EXOC6B: variants seen among roughly 807,000 people sequenced by gnomAD.
EXOC6B encodes SEC15 homolog B.
A neutral mutation model predicts 113.5 loss-of-function variants in EXOC6B; 54 were observed. The ratio of observed to expected loss-of-function variants is 0.48; its 90% CI spans 0.38 to 0.60. The LOEUF (loss-of-function observed/expected upper bound fraction) is 0.60, where lower values mean the gene tolerates loss of function less well. EXOC6B is among the 20% of genes least tolerant of loss of function. The probability of loss-of-function intolerance (pLI) is 0.00; values close to 1 mark genes in which losing one functional copy is unlikely to be tolerated. For synonymous variants in EXOC6B, 357 were observed against 339.0 expected (o/e 1.05, Z -0.58); for missense variants, 797 against 977.5 (o/e 0.82, Z 2.46).
chr2:72,231,748 A>T (rs1681633493), intron 20 of EXOC6B, among the ~76,000 whole-genome samples: 1 of 152,222 alleles, frequency 6.6e-6, no homozygotes, highest in Admixed American at 6.5e-5. Context: ...TGCAAGGGCA[A>T]TCAAAAATGC....
At chr2:72,525,155 T>C (rs1701694494) in intron 8 of EXOC6B, among the ~76,000 whole-genome samples, 1 of 152,246 alleles carries the variant, frequency 6.6e-6, no homozygotes, top group South Asian at 2.1e-4. Context: ...TTGATGATTA[T>C]GGAGTAGTTG....
At chr2:72,768,288 C>CTTTTTT (rs200442752) in intron 1 of EXOC6B, among the ~76,000 whole-genome samples, 1 of 105,398 alleles carries the variant, frequency 9.5e-6, no homozygotes, top group African/African-American at 3.3e-5. Context: ...AGAATGCAAG[C>CTTTTTT]TTTTTTTTTT....
At chr2:72,432,845 C>G (rs1695622933) in intron 18 of EXOC6B, among the ~76,000 whole-genome samples, 1 of 151,936 alleles carries the variant, frequency 6.6e-6, no homozygotes, top group South Asian at 2.1e-4. Flanking sequence ...AAAATTTTCT[C>G]CCATTCTGTA....
chr2:72,500,313 C>T (rs1700249143), intron 11 of EXOC6B, among the ~76,000 whole-genome samples: 2 of 152,068 alleles, frequency 1.3e-5, no homozygotes, highest in Admixed American at 1.3e-4. Context: ...TGGTATGTGG[C>T]TAAAACCATT....
At chr2:72,265,079 C>T (rs1399952951) in intron 20 of EXOC6B, among the ~76,000 whole-genome samples, 1 of 151,738 alleles carries the variant, frequency 6.6e-6, no homozygotes, top group East Asian at 1.9e-4. Context: ...TAGAAGAAGA[C>T]AGGAAGACAT....
chr2:72,434,653 A>G (rs972609086), intron 18 of EXOC6B, among the ~76,000 whole-genome samples: 1 of 152,254 alleles, frequency 6.6e-6, no homozygotes, highest in Non-Finnish European at 1.5e-5. Context: ...TTTGTCCAGG[A>G]ATTTATCCGT....
intron 20 of EXOC6B, among the ~76,000 whole-genome samples, chr2:72,264,957 T>C (rs953441441): frequency 3.3e-5 from 5 of 152,060 alleles, no homozygotes; most frequent in Non-Finnish European, 7.4e-5. Flanking sequence ...AACATACTAA[T>C]ACAGTACATT....
intron 18 of EXOC6B, among the ~76,000 whole-genome samples, chr2:72,380,865 T>C (rs1691638316): frequency 1.3e-5 from 2 of 152,220 alleles, no homozygotes; most frequent in Admixed American, 6.5e-5. Flanking sequence ...TTTATATCTG[T>C]TATTTATAAT....
At chr2:72,555,717 G>C (rs548464160) in intron 8 of EXOC6B, among the ~76,000 whole-genome samples, 1 of 152,198 alleles carries the variant, frequency 6.6e-6, no homozygotes, top group East Asian at 1.9e-4. Flanking sequence ...CATGATCTCG[G>C]CTCACTACAA....
intron 1 of EXOC6B, among the ~76,000 whole-genome samples, chr2:72,760,152 T>C (rs558051875): frequency 6.6e-6 from 1 of 152,332 alleles, no homozygotes; most frequent in East Asian, 1.9e-4. Flanking sequence ...CATATGCTCC[T>C]TCTCTTGAAA....
At chr2:72,251,112 G>A (rs1682992420) in intron 20 of EXOC6B, among the ~76,000 whole-genome samples, 1 of 151,964 alleles carries the variant, frequency 6.6e-6, no homozygotes, top group Non-Finnish European at 1.5e-5. Context: ...ATTTAATATT[G>A]GCAATGTCTC....
At chr2:72,528,379 T>C (rs1349217976) in intron 8 of EXOC6B, among the ~76,000 whole-genome samples, 1 of 152,114 alleles carries the variant, frequency 6.6e-6, no homozygotes, top group African/African-American at 2.4e-5. Context: ...GGGTTCTCTA[T>C]TCTGTCCCAC....
intron 1 of EXOC6B, among the ~76,000 whole-genome samples, chr2:72,799,756 CAA>C (rs1322655811): frequency 1.3e-5 from 2 of 152,092 alleles, no homozygotes; most frequent in African/African-American, 4.8e-5. Context: ...ATTCAGAATT[CAA>C]AGTTTCTCAC....
chr2:72,625,706 C>A (rs940293051), intron 6 of EXOC6B, among the ~76,000 whole-genome samples: 3 of 152,200 alleles, frequency 2.0e-5, no homozygotes, highest in African/African-American at 7.2e-5. Context: ...GTAATGTATT[C>A]TCTTGAGACT....
intron 17 of EXOC6B, among the ~76,000 whole-genome samples, chr2:72,476,162 C>A (rs1369916656): frequency 6.6e-6 from 1 of 152,174 alleles, no homozygotes; most frequent in African/African-American, 2.4e-5. Context: ...AAGTGAGGGT[C>A]AAGAGACTCT....
chr2:72,544,171 G>T (rs1171107980), intron 8 of EXOC6B, among the ~76,000 whole-genome samples: 1 of 152,180 alleles, frequency 6.6e-6, no homozygotes, highest in Non-Finnish European at 1.5e-5. Flanking sequence ...GAGGAATAGT[G>T]TCTAAATATC....
At chr2:72,651,874 A>G (rs572823748) in intron 6 of EXOC6B, among the ~76,000 whole-genome samples, 1 of 152,240 alleles carries the variant, frequency 6.6e-6, no homozygotes, top group East Asian at 1.9e-4. Flanking sequence ...CGGCTGGAAT[A>G]CCTACGTTTT....
intron 20 of EXOC6B, among the ~76,000 whole-genome samples, chr2:72,241,581 G>T (rs1246849494): frequency 1.3e-5 from 2 of 151,858 alleles, no homozygotes; most frequent in Non-Finnish European, 2.9e-5. Flanking sequence ...AAAATCAAAG[G>T]CAAAGAAAAA....
intron 11 of EXOC6B, among the ~76,000 whole-genome samples, chr2:72,507,204 G>A (rs548933580): frequency 6.6e-6 from 1 of 152,154 alleles, no homozygotes; most frequent in East Asian, 1.9e-4. Context: ...TAGCCAGAGT[G>A]TTTTTGAGAT....
Sources: allele counts gnomAD v4.1 joint callset (sites outside exome capture counted in the v4.1 genomes callset), GRCh38; gene constraint gnomAD v4.1.1; transcripts MANE v1.5; gene names NCBI Gene and HGNC (gene_info 2026-07-23, HGNC 2026-07-21).